The following TESK2 variants were observed in gnomAD, a reference collection of about 807,000 sequenced individuals.
TESK2 encodes testis associated actin remodelling kinase 2.
Under a neutral mutation model 57.1 loss-of-function variants are expected in TESK2, and 39 were observed. The observed-to-expected ratio is 0.68, with a 90% CI of 0.53 to 0.89. The LOEUF (loss-of-function observed/expected upper bound fraction) is 0.89, where lower values mean the gene tolerates loss of function less well. Ranked by LOEUF, TESK2 falls within the 40% of genes least tolerant of loss-of-function variation. The pLI is 0.00. For synonymous variants in TESK2, 249 were observed against 267.9 expected (o/e 0.93, Z 0.69); for missense variants, 646 against 732.1 (o/e 0.88, Z 1.36).
intron 3 of TESK2, among the ~76,000 whole-genome samples, chr1:45,402,526 A>G (rs1649671281): frequency 6.7e-6 from 1 of 149,440 alleles, no homozygotes; most frequent in Admixed American, 6.7e-5. Context: ...CTTGTTGCCC[A>G]GGCTGGAGTG....
At position 45,345,393 on chromosome 1, in the gene TESK2, C is replaced by T. The variant is rs201020304; in HGVS notation, c.1163G>A (p.Arg388Gln). ...GGTGCGGGCAGCACCATCTCGTGGCCGGTAGTATGGGTCCAAGACACTCAC... is the reference window on the plus strand; with the variant it reads ...GGTGCGGGCAGCACCATCTCGTGGCTGGTAGTATGGGTCCAAGACACTCAC... ...RTVSVLDPYYRPRDGAARTPK... is the reference protein window; with the variant it reads ...RTVSVLDPYYQPRDGAARTPK... The change falls in exon 11 of 11, where the codon CGG becomes CAG. Residue 388 changes from arginine to glutamine, a missense_variant. Arg to Gln is a conservative substitution (Grantham distance 43). Transcript: ENST00000372086. The T allele has an allele frequency of 3.3e-4, 529 of 1,613,984 alleles. 1 individual carries two copies. The highest frequency in any genetic ancestry group is 8.2e-4 in the East Asian group (37 of 44,864).
In TESK2 at chr1:45,462,210, G is replaced by T. The variant is rs189522193; in HGVS notation, c.-86-4339C>A. Among the ~76,000 whole-genome samples the T allele has an allele frequency of 7.9e-5, 12 of 151,972 alleles. No homozygotes were observed. In the East Asian group the frequency reaches 1.9e-3, roughly 25 times the overall value. On this transcript the variant is annotated intron_variant, in intron 1 of 10. Coordinates refer to ENST00000372086, the MANE Select transcript of TESK2 (RefSeq NM_007170.3). Reference sequence around the variant, plus strand: ...ATGCAAAGTTTGTCCTTCTGTGCCTGACTTATTTCACTTAACATGATGTCC... The same window carrying T: ...ATGCAAAGTTTGTCCTTCTGTGCCTTACTTATTTCACTTAACATGATGTCC...
At chr1:45,407,872 C>A (rs1649908016) in intron 3 of TESK2, among the ~76,000 whole-genome samples, 1 of 152,130 alleles carries the variant, frequency 6.6e-6, no homozygotes. Flanking sequence ...TTTCCAAAGC[C>A]TCCAACAAAA....
intron 3 of TESK2, among the ~76,000 whole-genome samples, chr1:45,398,257 C>G (rs777132686): frequency 7.9e-5 from 12 of 152,116 alleles, no homozygotes; most frequent in Non-Finnish European, 1.6e-4. Flanking sequence ...ATAAGAATCT[C>G]TAGCTCAGAG....
At chr1:45,479,318 T>C (rs1557589696) in intron 1 of TESK2, among the ~76,000 whole-genome samples, 1 of 152,100 alleles carries the variant, frequency 6.6e-6, no homozygotes, top group Non-Finnish European at 1.5e-5. Flanking sequence ...ATGATTTCCA[T>C]AGTGAAATCA....
intron 3 of TESK2, chr1:45,413,859 A>C (rs1570704255): frequency 2.2e-6 from 1 of 456,230 alleles, no homozygotes; most frequent in Non-Finnish European, 4.4e-6. Flanking sequence ...ATTCTGGTTC[A>C]TACTTCTGCA....
intron 2 of TESK2, among the ~76,000 whole-genome samples, chr1:45,428,152 A>C (rs1474251197): frequency 1.3e-5 from 2 of 152,216 alleles, no homozygotes; most frequent in African/African-American, 4.8e-5. Context: ...CTGCTGTATA[A>C]CTTCTTTATA....
intron 3 of TESK2, among the ~76,000 whole-genome samples, chr1:45,414,667 C>A (rs111262657): frequency 1.2e-4 from 19 of 152,100 alleles, no homozygotes; most frequent in Non-Finnish European, 2.2e-4. Context: ...AATACATATA[C>A]CCGTAGCAAA....
chr1:45,485,796 C>T (rs1182736129), intron 1 of TESK2, among the ~76,000 whole-genome samples: 1 of 151,946 alleles, frequency 6.6e-6, no homozygotes, highest in Non-Finnish European at 1.5e-5. Flanking sequence ...GCTGGGATTA[C>T]AGGCATGAGC....
chr1:45,454,649 A>C (rs1345760686), intron 2 of TESK2, among the ~76,000 whole-genome samples: 2 of 152,056 alleles, frequency 1.3e-5, no homozygotes, highest in African/African-American at 4.8e-5. Flanking sequence ...ATGACTCAGC[A>C]ATTCTATTTA....
intron 1 of TESK2, among the ~76,000 whole-genome samples, chr1:45,469,123 C>CAACT (rs1557585532): frequency 1.3e-5 from 2 of 151,752 alleles, no homozygotes; most frequent in African/African-American, 4.8e-5. Flanking sequence ...AAAGAAAATA[C>CAACT]AACTAAAAGC....
At chr1:45,471,982 T>C (rs1019557473) in intron 1 of TESK2, among the ~76,000 whole-genome samples, 3 of 152,152 alleles carry the variant, frequency 2.0e-5, no homozygotes, top group Middle Eastern at 3.4e-3. Flanking sequence ...CCAGGCGCAG[T>C]GGCTCACGCC....
At position 45,355,360 on chromosome 1, in the gene TESK2, T is replaced by A. The variant is rs1372521202; in HGVS notation, c.483A>T (p.Ala161=). 1 of 1,613,878 alleles carries A rather than the reference T, an allele frequency of 6.2e-7. No homozygotes were observed. Among genetic ancestry groups the A allele is most frequent in the Non-Finnish European group, 8.5e-7 (1 of 1,179,960 alleles). The change falls in exon 5 of 11, where the codon GCA becomes GCT. Residue 161 remains alanine, a synonymous_variant. Coordinates refer to ENST00000372086, the MANE Select transcript of TESK2 (RefSeq NM_007170.3). ...TVRVKLAYDI[A]VGLSYLHFKG... ...TGAAGTGAAGGTAGCTGAGGCCCAC[T>A]GCTATGTCATAGGCCAGTTTTACCC... is the stretch of plus-strand genomic sequence containing the variant.
At chr1:45,372,266 T>C (rs1338220860) in intron 4 of TESK2, among the ~76,000 whole-genome samples, 4 of 143,376 alleles carry the variant, frequency 2.8e-5, no homozygotes, top group African/African-American at 1.1e-4. Flanking sequence ...AAAATAACAA[T>C]TAAAAAAAAA....
At chr1:45,417,971 C>G (rs1771551) in intron 3 of TESK2, among the ~76,000 whole-genome samples, 99,885 of 152,026 alleles carry the variant, frequency 0.66, 34,322 homozygotes, top group Non-Finnish European at 0.76. Context: ...AAAGATTTTG[C>G]TGTAATGGAA....
At chr1:45,430,879 C>T (rs984258746) in intron 2 of TESK2, among the ~76,000 whole-genome samples, 3 of 152,004 alleles carry the variant, frequency 2.0e-5, no homozygotes, top group Non-Finnish European at 2.9e-5. Flanking sequence ...TTGTAGTTAG[C>T]GTAAAGAGCT....
At chr1:45,352,217 C>T (rs1183139943) in intron 5 of TESK2, among the ~76,000 whole-genome samples, 1 of 152,154 alleles carries the variant, frequency 6.6e-6, no homozygotes, top group African/African-American at 2.4e-5. Flanking sequence ...AGTTTGCAAA[C>T]GTCCTTTGTT....
chr1:45,430,791 T>C (rs1360818892), intron 2 of TESK2, among the ~76,000 whole-genome samples: 1 of 152,128 alleles, frequency 6.6e-6, no homozygotes. Context: ...CCCCCAAGAA[T>C]ATGGCTGGAC....
At chr1:45,381,509 T>C (rs1446386606) in intron 4 of TESK2, among the ~76,000 whole-genome samples, 1 of 152,138 alleles carries the variant, frequency 6.6e-6, no homozygotes, top group Non-Finnish European at 1.5e-5. Flanking sequence ...ACAAGTCCAG[T>C]CTAGCCCACT....
Sources: gnomAD v4.1 joint callset for allele counts (sites outside exome capture counted in the v4.1 genomes callset) on GRCh38, gnomAD v4.1.1 for gene constraint, MANE v1.5 for transcripts, NCBI Gene and HGNC (gene_info 2026-07-23, HGNC 2026-07-21) for gene names.